The following ZFPM2 variants were observed in gnomAD, a reference collection of about 807,000 sequenced individuals.
ZFPM2 encodes the protein zinc finger protein, FOG family member 2, also known as zinc finger protein ZFPM2.
ZFPM2 carries 20 observed loss-of-function variants against 98.6 expected under a neutral mutation model. The ratio of observed to expected loss-of-function variants is 0.20; its 90% CI spans 0.14 to 0.29. The LOEUF is 0.29. Among genes scored for constraint, ZFPM2 ranks in the 10% least tolerant of loss-of-function variants. The pLI, the probability that ZFPM2 is intolerant of heterozygous loss-of-function variation, is 1.00. For synonymous variants in ZFPM2, 518 were observed against 502.7 expected (o/e 1.03, Z -0.41); for missense variants, 1,310 against 1,388.6 (o/e 0.94, Z 0.90).
chr8:105,571,345 T>C (rs1815350648), intron 4 of ZFPM2, among the ~76,000 whole-genome samples: 1 of 152,230 alleles, frequency 6.6e-6, no homozygotes, highest in Non-Finnish European at 1.5e-5. Context: ...TCTATCACCA[T>C]CTTGACTAGT....
intron 5 of ZFPM2, among the ~76,000 whole-genome samples, chr8:105,725,706 G>A (rs1308088163): frequency 6.6e-6 from 1 of 151,616 alleles, no homozygotes; most frequent in Non-Finnish European, 1.5e-5. Context: ...TGACTTACTA[G>A]CATTTTATAT....
chr8:105,795,185 G>C (rs901405887), intron 6 of ZFPM2, among the ~76,000 whole-genome samples: 3 of 151,796 alleles, frequency 2.0e-5, no homozygotes, highest in African/African-American at 7.3e-5. Flanking sequence ...ACTCACGCTG[G>C]GAGCTGTAGA....
At position 105,439,304 on chromosome 8, in the gene ZFPM2, C is replaced by G. The variant is rs1586372650; in HGVS notation, c.200-4976C>G. 2.0e-5 allele frequency among the ~76,000 whole-genome samples: 3 copies of G among 152,130 alleles called. No individual in the cohort carries two copies. In the South Asian group the frequency reaches 6.2e-4, roughly 32 times the overall value. On this transcript the variant is annotated intron_variant, in intron 2 of 7. Coordinates refer to ENST00000407775, the MANE Select transcript of ZFPM2 (RefSeq NM_012082.4). Reference sequence around the variant, plus strand: ...CATGGTTGTTTGTTAATGGGTTGCTCTGGGGTTATTATTCAGGTGTTCATG... The same window carrying G: ...CATGGTTGTTTGTTAATGGGTTGCTGTGGGGTTATTATTCAGGTGTTCATG...
At chr8:105,560,755 G>C (rs767160720) in intron 3 of ZFPM2, among the ~76,000 whole-genome samples, 3 of 152,050 alleles carry the variant, frequency 2.0e-5, no homozygotes, top group Non-Finnish European at 2.9e-5. Flanking sequence ...AAAGGAAGAA[G>C]ACCTTCCAAA....
chr8:105,783,382 T>A (rs1299671387), intron 5 of ZFPM2, among the ~76,000 whole-genome samples: 2 of 152,078 alleles, frequency 1.3e-5, no homozygotes, highest in Admixed American at 1.3e-4. Flanking sequence ...TTTTTCTCAA[T>A]TTTTAAAATT....
chr8:105,646,742 A>T (rs1173564540), intron 5 of ZFPM2, among the ~76,000 whole-genome samples: 1 of 152,014 alleles, frequency 6.6e-6, no homozygotes, highest in East Asian at 1.9e-4. Context: ...GTCCCCCGAG[A>T]TTTATGAACC....
chr8:105,648,456 C>T (rs1306204299), intron 5 of ZFPM2, among the ~76,000 whole-genome samples: 4 of 152,102 alleles, frequency 2.6e-5, no homozygotes, highest in Non-Finnish European at 4.4e-5. Context: ...CTTGCCCATG[C>T]CTATGTCCTG....
At chr8:105,417,058 A>G (rs1370674517) in intron 1 of ZFPM2, among the ~76,000 whole-genome samples, 1 of 152,124 alleles carries the variant, frequency 6.6e-6, no homozygotes, top group Non-Finnish European at 1.5e-5. Flanking sequence ...CTGAGGTGGG[A>G]GGATCACTTA....
intron 1 of ZFPM2, among the ~76,000 whole-genome samples, chr8:105,345,312 T>C (rs1416477260): frequency 6.6e-6 from 1 of 152,156 alleles, no homozygotes; most frequent in African/African-American, 2.4e-5. Context: ...ACAAACTTCT[T>C]AGTCTTGTGC....
At chr8:105,350,613 C>G (rs1481786954) in intron 1 of ZFPM2, among the ~76,000 whole-genome samples, 1 of 152,028 alleles carries the variant, frequency 6.6e-6, no homozygotes, top group Non-Finnish European at 1.5e-5. Flanking sequence ...AAGCAGAAAA[C>G]TTGGTAGGCA....
chr8:105,712,607 T>G (rs1231992411), intron 5 of ZFPM2, among the ~76,000 whole-genome samples: 4 of 151,994 alleles, frequency 2.6e-5, no homozygotes, highest in Non-Finnish European at 5.9e-5. Flanking sequence ...GGTAGGTTTA[T>G]TTTAAGGTTA....
rs16873732 is a variant in ZFPM2 at position 105,801,858 on chromosome 8, T to C, written c.1776T>C (p.Pro592=). ...TCCCTAGTGTGTCAGAAAAGATGCC[T>C]GAAGCTTTGAGTCCCAACACTGGCC... ...PEFPSVSEKM[P]EALSPNTGQT... is the part of the protein sequence containing the mutation. The change falls in exon 8 of 8, where the codon CCT becomes CCC. Residue 592 remains proline, a synonymous_variant. Coordinates refer to ENST00000407775, the MANE Select transcript of ZFPM2 (RefSeq NM_012082.4). 48,047 of 1,613,916 alleles carry C rather than the reference T, an allele frequency of 0.03. 1,361 individuals carry two copies. The highest frequency in any genetic ancestry group is 0.14 in the African/African-American group (10,352 of 75,006).
At position 105,336,688 on chromosome 8, in the gene ZFPM2, CCACACACACACACA is replaced by C. The variant is rs139930523; in HGVS notation, c.40+17736_40+17749del. ...GATTGATATTAAAATGTAATATACT[CCACACACACACACA>C]CACACACACACACACACACACACAC... On this transcript the variant is annotated intron_variant, in intron 1 of 7. Transcript: ENST00000407775. 6.3e-5 allele frequency among the ~76,000 whole-genome samples: 9 copies of C among 142,256 alleles called. No homozygotes were observed. The East Asian group carries it at 1.2e-3, about 19-fold the overall frequency. The allele number at this position is 142,256 out of a possible 152,430, so 93.3% of individuals were successfully genotyped here. A position where few individuals can be genotyped will look rare whatever the true frequency, so the allele number is the denominator to read the frequency against.
At chr8:105,735,004 T>C (rs1812034317) in intron 5 of ZFPM2, among the ~76,000 whole-genome samples, 1 of 150,072 alleles carries the variant, frequency 6.7e-6, no homozygotes, top group African/African-American at 2.4e-5. Flanking sequence ...TTCATTAATA[T>C]ATATTTGATT....
intron 5 of ZFPM2, among the ~76,000 whole-genome samples, chr8:105,699,575 T>C (rs1726948905): frequency 6.6e-6 from 1 of 152,140 alleles, no homozygotes; most frequent in Admixed American, 6.5e-5. Flanking sequence ...TTTCTTTTTA[T>C]AAAGATTGGG....
At chr8:105,333,023 T>C (rs1237184178) in intron 1 of ZFPM2, among the ~76,000 whole-genome samples, 4 of 151,730 alleles carry the variant, frequency 2.6e-5, no homozygotes, top group Non-Finnish European at 5.9e-5. Context: ...AAATAGAGCC[T>C]GATCAGTGTA....
At chr8:105,384,841 G>C (rs1163431637) in intron 1 of ZFPM2, among the ~76,000 whole-genome samples, 1 of 152,084 alleles carries the variant, frequency 6.6e-6, no homozygotes, top group Admixed American at 6.6e-5. Flanking sequence ...CTGGGAAATA[G>C]GTTCTTGAAA....
At chr8:105,462,439 AGAC>A (rs955581190) in intron 3 of ZFPM2, among the ~76,000 whole-genome samples, 15 of 152,226 alleles carry the variant, frequency 9.9e-5, no homozygotes, top group African/African-American at 3.4e-4. Flanking sequence ...GACGAGGGAG[AGAC>A]TAAGGTTACA....
intron 1 of ZFPM2, among the ~76,000 whole-genome samples, chr8:105,372,278 G>C (rs931472255): frequency 6.6e-6 from 1 of 152,008 alleles, no homozygotes; most frequent in South Asian, 2.1e-4. Context: ...TGCTGACTTC[G>C]TGATCCACCT....
Sources: allele counts gnomAD v4.1 joint callset (sites outside exome capture counted in the v4.1 genomes callset), GRCh38; gene constraint gnomAD v4.1.1; transcripts MANE v1.5; gene names NCBI Gene and HGNC (gene_info 2026-07-23, HGNC 2026-07-21).